Variants in METTL13 observed in about 807,000 individuals in gnomAD.
The protein encoded by METTL13 is eEF1A lysine and N-terminal methyltransferase.
In METTL13, 52 loss-of-function variants were observed where a neutral mutation model predicts 67.4. The ratio of observed to expected loss-of-function variants is 0.77; its 90% CI spans 0.62 to 0.97. The LOEUF (loss-of-function observed/expected upper bound fraction) is 0.97, where lower values mean the gene tolerates loss of function less well. METTL13 is among the 50% of genes least tolerant of loss of function. The pLI is 0.00. For synonymous variants in METTL13, 354 were observed against 353.6 expected (o/e 1.00, Z -0.01); for missense variants, 825 against 889.6 (o/e 0.93, Z 0.92).
In METTL13 at chr1:171,792,183, C is replaced by A; in HGVS notation, c.1641C>A (p.Val547=). Reference sequence around the variant, plus strand: ...TCTCCCAGAGTGACCGAATGAAGGTCCACATTGCAGATGGCCTGGACTATA... The same window carrying A: ...TCTCCCAGAGTGACCGAATGAAGGTACACATTGCAGATGGCCTGGACTATA... ...FGFSQSDRMK[V]HIADGLDYIA... The change falls in exon 6 of 8, where the codon GTC becomes GTA. Residue 547 remains valine, a synonymous_variant. Transcript: ENST00000361735. The A allele has an allele frequency of 6.2e-7, 1 of 1,614,200 alleles. No homozygotes were observed. Among genetic ancestry groups the A allele is most frequent in the South Asian group, 1.1e-5 (1 of 91,078 alleles).
rs10436865 is a variant in METTL13, at chr1:171,794,565, G to A, written c.1825+38G>A. On this transcript the variant is annotated intron_variant, in intron 7 of 7. Transcript: ENST00000361735. Reference sequence around the variant, plus strand: ...AAAGGTGGGAGAGGGAGGAGAGAAGGGACCATTAACAAAAATTATCTTTTT... The same window carrying A: ...AAAGGTGGGAGAGGGAGGAGAGAAGAGACCATTAACAAAAATTATCTTTTT... The A allele has an allele frequency of 1.6e-5, 26 of 1,609,342 alleles. No homozygotes were observed. The African/African-American group carries it at 3.4e-4, about 21-fold the overall frequency.
intron 4 of METTL13, among the ~76,000 whole-genome samples, 176 bp from the exon 5 acceptor site, chr1:171,790,276 T>C (rs1657160254): frequency 6.6e-6 from 1 of 152,188 alleles, no homozygotes; most frequent in Admixed American, 6.5e-5. Context: ...GGGACAAACA[T>C]CCAGATGATT....
intron 4 of METTL13, among the ~76,000 whole-genome samples, chr1:171,789,848 T>TGGGGGGGGGGGGG (rs1657143949): frequency 1.1e-4 from 11 of 99,250 alleles, no homozygotes; most frequent in East Asian, 4.3e-4. Flanking sequence ...TGGGGCGGGG[T>TGGGGGGGGGGGGG]AGGGGGGGCA....
chr1:171,793,330 C>T (rs998823287), intron 6 of METTL13, among the ~76,000 whole-genome samples: 2 of 152,234 alleles, frequency 1.3e-5, no homozygotes, highest in Non-Finnish European at 2.9e-5. Context: ...GAAGTATTTA[C>T]AACAGTGCCA....
intron 4 of METTL13, 146 bp from the exon 5 acceptor site, chr1:171,790,306 G>A (rs1471007023): frequency 1.7e-5 from 12 of 696,870 alleles, no homozygotes; most frequent in Non-Finnish European, 2.6e-5. Context: ...CCAGTTTCAA[G>A]CTATCAACAT....
intron 3 of METTL13, 67 bp from the exon 4 acceptor site, chr1:171,787,668 G>A (rs1657063425): frequency 7.0e-7 from 1 of 1,431,184 alleles, no homozygotes; most frequent in Non-Finnish European, 9.6e-7. Flanking sequence ...AAAAGGGAAG[G>A]GGTTATAATT....
chr1:171,790,124 A>G, intron 4 of METTL13, among the ~76,000 whole-genome samples: 1 of 152,206 alleles, frequency 6.6e-6, no homozygotes, highest in East Asian at 1.9e-4. Flanking sequence ...AAGAGATGCC[A>G]GGCTTTTTTC....
chr1:171,785,765 C>T, intron 2 of METTL13, 114 bp from the exon 3 acceptor site: 2 of 1,066,362 alleles, frequency 1.9e-6, no homozygotes, highest in Non-Finnish European at 2.8e-6. Context: ...CAGTGGGTCA[C>T]AGTTGGGGAA....
chr1:171,788,337 T>G (rs10753190), intron 4 of METTL13, among the ~76,000 whole-genome samples: 81,628 of 151,998 alleles, frequency 0.54, 22,966 homozygotes, highest in African/African-American at 0.71. Flanking sequence ...CTTAGAGGCC[T>G]TCTAGTATAC....
At chr1:171,788,029 G>A (rs1352165335) in intron 4 of METTL13, 99 bp downstream of exon 4, 7 of 1,195,964 alleles carry the variant, frequency 5.9e-6, no homozygotes, top group South Asian at 2.8e-5. Context: ...CTGGGTGTCT[G>A]TAGGTTCTTA....
intron 5 of METTL13, 61 bp from the exon 6 acceptor site, chr1:171,791,956 G>T: frequency 6.3e-7 from 1 of 1,577,336 alleles, no homozygotes; most frequent in Admixed American, 1.7e-5. Context: ...CCTTCCCTGA[G>T]GCTGGTACAG....
rs912065783 is a variant in METTL13 at position 171,784,031 on chromosome 1, G to A, written c.445G>A (p.Val149Ile). Reference protein sequence around the residue: ...VDRMLAEVGRVLQVGGRYLCI... With the variant: ...VDRMLAEVGRILQVGGRYLCI... Reference sequence around the variant, plus strand: ...CAGGATGCTGGCTGAGGTTGGCCGTGTCCTGCAGGTGGGCGGTCGCTATCT... The same window carrying A: ...CAGGATGCTGGCTGAGGTTGGCCGTATCCTGCAGGTGGGCGGTCGCTATCT... The change falls in exon 2 of 8, where the codon GTC (valine) becomes ATC (isoleucine). Residue 149 changes from valine to isoleucine, a missense_variant. Transcript: ENST00000361735. The A allele has an allele frequency of 6.2e-7, 1 of 1,614,210 alleles. No homozygotes were observed. Among genetic ancestry groups the A allele is most frequent in the Non-Finnish European group, 8.5e-7 (1 of 1,180,030 alleles).
chr1:171,787,643 G>A, intron 3 of METTL13, 92 bp from the exon 4 acceptor site: 1 of 1,168,854 alleles, frequency 8.6e-7, no homozygotes, highest in Non-Finnish European at 1.2e-6. Flanking sequence ...CCGTGGTATG[G>A]GGATATATAC....
intron 6 of METTL13, 114 bp from the exon 7 acceptor site, chr1:171,794,282 C>A: frequency 6.8e-7 from 1 of 1,460,974 alleles, no homozygotes; most frequent in Non-Finnish European, 9.4e-7. Flanking sequence ...TCTGTGTCAT[C>A]CTTCTAACTT....
At position 171,781,743 on chromosome 1, in the gene METTL13, G is replaced by C. The variant is rs1656824516; in HGVS notation, c.-225G>C. 2.2e-6 allele frequency: 3 copies of C among 1,342,022 alleles called. No homozygotes were observed. Among genetic ancestry groups the C allele is most frequent in the Non-Finnish European group, 2.9e-6 (3 of 1,041,958 alleles). 83.1% of individuals were successfully genotyped at this position (1,342,022 alleles called of 1,614,324 possible). On this transcript the variant is annotated 5_prime_UTR_variant, in exon 1 of 8. Transcript: ENST00000361735. ...ACGTGGGGAAGGAACAGCAGGCGCG[G>C]AGGAGGGGGCAAGCGTGTGTGAGAT...
chr1:171,795,079 G>A (rs1282431606), intron 7 of METTL13, among the ~76,000 whole-genome samples: 28 of 152,040 alleles, frequency 1.8e-4, no homozygotes, highest in Admixed American at 1.8e-3. Context: ...TCCTACCTTG[G>A]CCTCCCAAAG....
intron 2 of METTL13, 108 bp downstream of exon 2, chr1:171,784,607 G>A (rs1656948877): frequency 1.5e-6 from 2 of 1,344,772 alleles, no homozygotes; most frequent in South Asian, 3.8e-5. Context: ...TGGGATTCTG[G>A]ACTGTTTTTT....
At chr1:171,792,637 A>G in intron 6 of METTL13, among the ~76,000 whole-genome samples, 1 of 152,240 alleles carries the variant, frequency 6.6e-6, no homozygotes, top group East Asian at 1.9e-4. Flanking sequence ...AAATAGAGCA[A>G]AACAGTATTC....
In METTL13 at chr1:171,783,735, T is replaced by A; in HGVS notation, c.154-5T>A. ...CTCCCTCTTGTCTGTGAATTTTTTC[T>A]CCAGGTGCTGGTGATTGGGTGTGGC... On this transcript the variant is annotated splice_region_variant and splice_polypyrimidine_tract_variant and intron_variant, in intron 1 of 7. Coordinates refer to ENST00000361735, the MANE Select transcript of METTL13 (RefSeq NM_015935.5). 6.3e-7 allele frequency: 1 copy of A among 1,594,828 alleles called. No individual in the cohort carries two copies.
Sources: gnomAD v4.1 joint callset for allele counts (sites outside exome capture counted in the v4.1 genomes callset) on GRCh38, gnomAD v4.1.1 for gene constraint, MANE v1.5 for transcripts, NCBI Gene and HGNC (gene_info 2026-07-23, HGNC 2026-07-21) for gene names.